The following DGLUCY variants were observed in gnomAD, a reference collection of about 807,000 sequenced individuals.
The protein encoded by DGLUCY is D-glutamate cyclase, mitochondrial.
Under a neutral mutation model 58.5 loss-of-function variants are expected in DGLUCY, and 58 were observed. The observed-to-expected ratio is 0.99, with a 90% CI of 0.80 to 1.23. The LOEUF (loss-of-function observed/expected upper bound fraction) is 1.23, where lower values mean the gene tolerates loss of function less well. Among genes scored for constraint, DGLUCY ranks in the 50% most tolerant of loss-of-function variants. The pLI is 0.00. For synonymous variants in DGLUCY, 325 were observed against 314.1 expected (o/e 1.03, Z -0.37); for missense variants, 779 against 784.7 (o/e 0.99, Z 0.09).
intron 1 of DGLUCY, among the ~76,000 whole-genome samples, chr14:91,086,289 T>C (rs1595624560): frequency 6.6e-6 from 1 of 152,152 alleles, no homozygotes; most frequent in South Asian, 2.1e-4. Context: ...ACAATAAATA[T>C]AATGCACTTC....
chr14:91,143,711 C>A (rs1024968768), intron 1 of DGLUCY, among the ~76,000 whole-genome samples: 12 of 152,078 alleles, frequency 7.9e-5, no homozygotes, highest in Admixed American at 7.2e-4. Flanking sequence ...CTGTGAGGGC[C>A]CAGCCACTGG....
intron 1 of DGLUCY, among the ~76,000 whole-genome samples, chr14:91,122,248 T>G (rs1476809864): frequency 6.6e-6 from 1 of 151,984 alleles, no homozygotes; most frequent in African/African-American, 2.4e-5. Context: ...CACTTCAGCC[T>G]TGACCTCCCG....
intron 1 of DGLUCY, among the ~76,000 whole-genome samples, chr14:91,116,942 C>CAAA (rs11442546): frequency 6.4e-4 from 91 of 142,660 alleles, no homozygotes; most frequent in African/African-American, 2.2e-3. Context: ...GAGTCTGTCT[C>CAAA]AAAAAAAAAA....
chr14:91,189,459 C>T lies in DGLUCY; in HGVS notation c.1195+289C>T, dbSNP rs187410888. Among the ~76,000 whole-genome samples, 276 of 152,292 alleles carry T rather than the reference C, an allele frequency of 1.8e-3. 2 individuals are homozygous for T. The highest frequency in any genetic ancestry group is 6.4e-3 in the African/African-American group (264 of 41,552). ...GTCCCTTTGCAGTGTGGGGAATGAC[C>T]TGCCGAGTATTCTTAGCAATCCGGG... On this transcript the variant is annotated intron_variant, in intron 9 of 13. Coordinates refer to ENST00000256324, the MANE Select transcript of DGLUCY (RefSeq NM_001102368.3).
At chr14:91,067,615 C>A (rs1239358146) in intron 1 of DGLUCY, among the ~76,000 whole-genome samples, 2 of 151,520 alleles carry the variant, frequency 1.3e-5, no homozygotes, top group African/African-American at 2.4e-5. Flanking sequence ...ATGGCACGAT[C>A]TCGGCTCACT....
At chr14:91,094,361 G>A (rs1376595598) in intron 1 of DGLUCY, among the ~76,000 whole-genome samples, 1 of 151,856 alleles carries the variant, frequency 6.6e-6, no homozygotes, top group African/African-American at 2.4e-5. Context: ...CTTGAACCCG[G>A]GAGGTGGAGG....
upstream of DGLUCY, among the ~76,000 whole-genome samples, chr14:91,104,852 T>G (rs974215099): frequency 6.6e-6 from 1 of 152,238 alleles, no homozygotes; most frequent in Non-Finnish European, 1.5e-5. Context: ...AGCCACAATT[T>G]CTCCTTTGTG....
intron 11 of DGLUCY, among the ~76,000 whole-genome samples, chr14:91,204,320 G>A (rs2050747097): frequency 6.6e-6 from 1 of 152,188 alleles, no homozygotes; most frequent in Non-Finnish European, 1.5e-5. Flanking sequence ...TTTAAAGTAA[G>A]TTCTAGAACT....
intron 1 of DGLUCY, among the ~76,000 whole-genome samples, chr14:91,149,243 A>T (rs2047177971): frequency 6.7e-6 from 1 of 150,354 alleles, no homozygotes; most frequent in Non-Finnish European, 1.5e-5. Context: ...GCGAAACTCT[A>T]TCTCAAAAAA....
Position 91,160,317 on chromosome 14 carries a change from G to C in DGLUCY, c.23G>C (p.Arg8Thr). The C allele has an allele frequency of 6.2e-7, 1 of 1,612,022 alleles. No homozygotes were observed. The highest frequency in any genetic ancestry group is 8.5e-7 in the Non-Finnish European group (1 of 1,179,434). Reference protein sequence around the residue: MPFTLHLRSRLPSAIRSL... With the variant: MPFTLHLTSRLPSAIRSL... ...ACGATGCCCTTCACACTCCACCTGAGGTCCCGCCTTCCCTCTGCCATAAGG... is the reference window on the plus strand; with the variant it reads ...ACGATGCCCTTCACACTCCACCTGACGTCCCGCCTTCCCTCTGCCATAAGG... The change falls in exon 3 of 14, where the codon AGG becomes ACG. Residue 8 changes from arginine (R) to threonine (T), a missense_variant. Physicochemically the swap from Arg to Thr is moderately conservative, Grantham distance 71. Transcript: ENST00000256324.
At chr14:91,160,731 C>T (rs923679762) in intron 3 of DGLUCY, among the ~76,000 whole-genome samples, 3 of 152,140 alleles carry the variant, frequency 2.0e-5, no homozygotes, top group Non-Finnish European at 4.4e-5. Flanking sequence ...GGTTACACTG[C>T]AGTTTAACCA....
chr14:91,100,011 C>T (rs930580089), intron 1 of DGLUCY, among the ~76,000 whole-genome samples: 13 of 147,706 alleles, frequency 8.8e-5, no homozygotes, highest in African/African-American at 3.0e-4. Flanking sequence ...GCCAAGATCA[C>T]GCCATTACAC....
intron 1 of DGLUCY, among the ~76,000 whole-genome samples, chr14:91,073,299 G>A (rs1349063732): frequency 6.6e-6 from 1 of 152,036 alleles, no homozygotes; most frequent in Non-Finnish European, 1.5e-5. Context: ...AAATTAGCCA[G>A]GTGTGATGGC....
chr14:91,165,074 C>T (rs76809687), intron 3 of DGLUCY, among the ~76,000 whole-genome samples: 2 of 152,348 alleles, frequency 1.3e-5, no homozygotes, highest in South Asian at 2.1e-4. Flanking sequence ...CCTTTCCACT[C>T]TTCCCTCCCC....
intron 12 of DGLUCY, among the ~76,000 whole-genome samples, chr14:91,215,164 T>A (rs993872217): frequency 2.0e-5 from 3 of 152,000 alleles, no homozygotes; most frequent in Admixed American, 6.6e-5. Context: ...ATAATAATAA[T>A]AAATAAATAA....
At position 91,196,744 on chromosome 14, in the gene DGLUCY, T is replaced by TAA. The variant is rs146566022; in HGVS notation, c.1295+293_1295+294dup. 3.1e-3 allele frequency among the ~76,000 whole-genome samples: 292 copies of TAA among 94,832 alleles called. 3 individuals carry two copies. Among genetic ancestry groups the TAA allele is most frequent in the African/African-American group, 0.011 (271 of 24,414 alleles). The allele number at this position is 94,832 out of a possible 152,430, so 62.2% of individuals were successfully genotyped here. The stretch of plus-strand genomic sequence containing the variant: ...TCCTGATAGAGGGGAGACATAGCAC[T>TAA]AAAAAAAAAAAAAAAAAAAAAAAAG... On this transcript the variant is annotated intron_variant, in intron 10 of 13. Coordinates refer to ENST00000256324, the MANE Select transcript of DGLUCY (RefSeq NM_001102368.3).
intron 1 of DGLUCY, among the ~76,000 whole-genome samples, chr14:91,154,027 T>C (rs1250503644): frequency 6.6e-6 from 1 of 152,194 alleles, no homozygotes; most frequent in Non-Finnish European, 1.5e-5. Context: ...TGCCTCAGCC[T>C]CCCAAGTAGC....
intron 1 of DGLUCY, among the ~76,000 whole-genome samples, chr14:91,128,613 G>T (rs967726511): frequency 5.9e-5 from 9 of 152,082 alleles, no homozygotes; most frequent in African/African-American, 2.2e-4. Flanking sequence ...ACAGGATAAG[G>T]ACTTTGTTTC....
At chr14:91,090,993 A>G (rs1030320230) in intron 1 of DGLUCY, 3 of 152,174 alleles carry the variant, frequency 2.0e-5, no homozygotes, top group African/African-American at 7.2e-5. Flanking sequence ...GTCAGCATGG[A>G]CTTTACCCCT....
Sources: allele counts gnomAD v4.1 joint callset (sites outside exome capture counted in the v4.1 genomes callset), GRCh38; gene constraint gnomAD v4.1.1; transcripts MANE v1.5; gene names NCBI Gene and HGNC (gene_info 2026-07-23, HGNC 2026-07-21).